Variants in TNPO3 observed in about 807,000 individuals in gnomAD.
The protein encoded by TNPO3 is transportin-3.
A neutral mutation model predicts 122.8 loss-of-function variants in TNPO3; 65 were observed. That is an observed-to-expected ratio of 0.53 (90% CI 0.43 to 0.65). The LOEUF is 0.65. Among genes scored for constraint, TNPO3 ranks in the 30% least tolerant of loss-of-function variants. The pLI is 0.00. For synonymous variants in TNPO3, 372 were observed against 411.2 expected, an observed-to-expected ratio of 0.90 and a Z score of 1.15; for missense variants, 850 against 1,136.7, an observed-to-expected ratio of 0.75 and a Z score of 3.63.
intron 1 of TNPO3, among the ~76,000 whole-genome samples, chr7:129,023,964 T>C (rs1257023763): frequency 2.6e-5 from 4 of 152,174 alleles, no homozygotes; most frequent in Admixed American, 2.6e-4. Flanking sequence ...GCTAGTTACA[T>C]CACACACAAA....
Position 128,979,100 on chromosome 7 carries a change from A to T in TNPO3, c.1944T>A (p.Thr648=). The change falls in exon 16 of 23, where the codon ACT becomes ACA. Residue 648 remains threonine, a synonymous_variant. Coordinates refer to ENST00000265388, the MANE Select transcript of TNPO3 (RefSeq NM_012470.4). ...IQEIWPVLSE[T]LNKHRADNRI... is the part of the protein sequence containing the mutation. The stretch of plus-strand genomic sequence containing the variant: ...GATTATCAGCTCGGTGCTTATTTAG[A>T]GTCTCGGATAAAACTGGCCATATCT... 6.2e-7 allele frequency: 1 copy of T among 1,614,164 alleles called. No homozygotes were observed. Among genetic ancestry groups the T allele is most frequent in the Non-Finnish European group, 8.5e-7 (1 of 1,180,000 alleles).
chr7:128,996,219 T>C (rs1320697035), intron 8 of TNPO3, among the ~76,000 whole-genome samples: 1 of 152,214 alleles, frequency 6.6e-6, no homozygotes, highest in African/African-American at 2.4e-5. Flanking sequence ...ATGAAATCGA[T>C]GTGGCAAAAT....
At chr7:128,994,115 C>A (rs1801042901) in intron 8 of TNPO3, among the ~76,000 whole-genome samples, 1 of 152,092 alleles carries the variant, frequency 6.6e-6, no homozygotes, top group Non-Finnish European at 1.5e-5. Flanking sequence ...CTATTCTCTG[C>A]CTTTACCAGG....
intron 16 of TNPO3, 110 bp downstream of exon 16, chr7:128,978,873 C>A: frequency 7.7e-7 from 1 of 1,298,864 alleles, no homozygotes. Flanking sequence ...CTCAGGTGGT[C>A]CACCTGCATA....
chr7:128,968,864 C>T (rs1407844188), intron 20 of TNPO3, among the ~76,000 whole-genome samples: 1 of 151,902 alleles, frequency 6.6e-6, no homozygotes, highest in Non-Finnish European at 1.5e-5. Flanking sequence ...ATGTATGCCA[C>T]CACACCCAGC....
At chr7:129,052,962 T>A (rs943853694) in intron 1 of TNPO3, among the ~76,000 whole-genome samples, 1 of 152,192 alleles carries the variant, frequency 6.6e-6, no homozygotes, top group African/African-American at 2.4e-5. Flanking sequence ...TTGTGTAGCC[T>A]ACAGTGAGTC....
chr7:128,969,169 A>T (rs1416868898), intron 20 of TNPO3, among the ~76,000 whole-genome samples: 1 of 152,194 alleles, frequency 6.6e-6, no homozygotes, highest in East Asian at 1.9e-4. Context: ...GATTTACATA[A>T]GTTTTCTGTT....
At chr7:128,980,171 C>T in intron 14 of TNPO3, 140 bp from the exon 15 acceptor site, 5 of 746,616 alleles carry the variant, frequency 6.7e-6, no homozygotes, top group Non-Finnish European at 4.7e-6. Context: ...ACTTACATCA[C>T]CTTTATAAGC....
Position 128,975,925 on chromosome 7 carries a change from A to G in TNPO3, c.2072T>C (p.Val691Ala). 1 of 1,611,568 alleles carries G rather than the reference A, an allele frequency of 6.2e-7. No individual in the cohort carries two copies. The highest frequency in any genetic ancestry group is 8.5e-7 in the Non-Finnish European group (1 of 1,177,700). Residue 691 changes from valine to alanine, a missense_variant, in exon 17 of 23, where the codon GTG (valine) becomes GCG (alanine). Val to Ala is a moderately conservative substitution (Grantham distance 64). Coordinates refer to ENST00000265388, the MANE Select transcript of TNPO3 (RefSeq NM_012470.4). ...GCAGGAATGCTGATGTACGTGGTAC[A>G]CATTCACCATCTGTTGAGGGAAAAA... is the stretch of plus-strand genomic sequence containing the variant. Reference protein sequence around the residue: ...LQPLVTQMVNVYHVHQHSCFL... With the variant: ...LQPLVTQMVNAYHVHQHSCFL...
chr7:128,999,286 GTTTCC>G (rs1401337226), intron 7 of TNPO3, among the ~76,000 whole-genome samples: 1 of 152,108 alleles, frequency 6.6e-6, no homozygotes, highest in African/African-American at 2.4e-5. Context: ...TTATTCACCT[GTTTCC>G]TTGAGTGTGA....
chr7:129,019,342 G>A (rs902887416), intron 1 of TNPO3, among the ~76,000 whole-genome samples: 6 of 152,178 alleles, frequency 3.9e-5, no homozygotes, highest in African/African-American at 1.4e-4. Context: ...TTTAGGAATA[G>A]TGTCTATTGT....
At chr7:128,991,353 C>T (rs778873227) in intron 10 of TNPO3, among the ~76,000 whole-genome samples, 1 of 152,194 alleles carries the variant, frequency 6.6e-6, no homozygotes, top group Admixed American at 6.5e-5. Context: ...GAATACAGAG[C>T]TTGACTGCAG....
intron 1 of TNPO3, among the ~76,000 whole-genome samples, chr7:129,045,462 C>T (rs1396379131): frequency 1.3e-5 from 2 of 150,462 alleles, no homozygotes; most frequent in African/African-American, 2.5e-5. Context: ...CACCACTGCA[C>T]TCCAACCTGG....
chr7:128,975,759 G>A (rs1466189723), intron 17 of TNPO3, 60 bp downstream of exon 17: 36 of 963,644 alleles, frequency 3.7e-5, no homozygotes, highest in Non-Finnish European at 5.6e-5. Context: ...TAAAGAATAC[G>A]CTGCTAGGCC....
At chr7:129,007,462 A>G (rs1802700947) in intron 4 of TNPO3, among the ~76,000 whole-genome samples, 1 of 152,264 alleles carries the variant, frequency 6.6e-6, no homozygotes, top group Non-Finnish European at 1.5e-5. Context: ...AACTAGCTAT[A>G]TACTAATTTA....
intron 22 of TNPO3, among the ~76,000 whole-genome samples, chr7:128,956,692 G>A (rs1336639862): frequency 4.6e-5 from 7 of 152,056 alleles, no homozygotes; most frequent in Non-Finnish European, 7.3e-5. Flanking sequence ...TTTTTCCTCC[G>A]AAATCCCAAG....
At chr7:129,035,155 T>G (rs1806473189) in intron 1 of TNPO3, among the ~76,000 whole-genome samples, 1 of 151,514 alleles carries the variant, frequency 6.6e-6, no homozygotes, top group Non-Finnish European at 1.5e-5. Flanking sequence ...GTGCCTGTAG[T>G]CCCAGCTACT....
intron 9 of TNPO3, 47 bp downstream of exon 9, chr7:128,993,760 A>C: frequency 6.7e-7 from 1 of 1,493,960 alleles, no homozygotes; most frequent in South Asian, 1.2e-5. Context: ...AAGTGAATAC[A>C]ATTAAGGTGA....
chr7:129,039,668 A>T (rs1219493935), intron 1 of TNPO3, among the ~76,000 whole-genome samples: 1 of 152,246 alleles, frequency 6.6e-6, no homozygotes, highest in Non-Finnish European at 1.5e-5. Flanking sequence ...AAGTGGAAAC[A>T]GTCCCAATGT....
Sources: gnomAD v4.1 joint callset for allele counts (sites outside exome capture counted in the v4.1 genomes callset) on GRCh38, gnomAD v4.1.1 for gene constraint, MANE v1.5 for transcripts, NCBI Gene and HGNC (gene_info 2026-07-23, HGNC 2026-07-21) for gene names.